NRXN1: variants seen among roughly 807,000 people sequenced by gnomAD.
NRXN1 encodes neurexin 1, also known as neurexin-1.
NRXN1 carries 39 observed loss-of-function variants against 150.9 expected under a neutral mutation model. That is an observed-to-expected ratio of 0.26 (90% CI 0.20 to 0.34). The LOEUF (loss-of-function observed/expected upper bound fraction) is 0.34, where lower values mean the gene tolerates loss of function less well. NRXN1 is among the 10% of genes least tolerant of loss of function. NRXN1 has a pLI of 1.00. For synonymous variants in NRXN1, 924 were observed against 757.0 expected (o/e 1.22, Z -3.62); for missense variants, 1,815 against 1,949.9 (o/e 0.93, Z 1.30).
chr2:49,972,003 A>C (rs906844450), intron 21 of NRXN1, among the ~76,000 whole-genome samples: 8 of 152,202 alleles, frequency 5.3e-5, no homozygotes, highest in African/African-American at 1.9e-4. Flanking sequence ...TCCACTAGAT[A>C]ACTGACAAGT....
intron 21 of NRXN1, among the ~76,000 whole-genome samples, chr2:50,028,167 C>G (rs990044294): frequency 1.3e-5 from 2 of 152,014 alleles, no homozygotes; most frequent in African/African-American, 4.8e-5. Context: ...AAATACTTAC[C>G]AGTTGTTCAA....
chr2:50,019,718 G>T (rs1317301829), intron 21 of NRXN1, among the ~76,000 whole-genome samples: 1 of 148,756 alleles, frequency 6.7e-6, no homozygotes, highest in African/African-American at 2.5e-5. Flanking sequence ...AGGCCTAGGC[G>T]GGCGGATCAC....
At chr2:50,429,605 G>A (rs2084784285) in intron 17 of NRXN1, among the ~76,000 whole-genome samples, 1 of 152,072 alleles carries the variant, frequency 6.6e-6, no homozygotes, top group African/African-American at 2.4e-5. Flanking sequence ...ATAGATCCAA[G>A]AGAAATAGAT....
chr2:49,987,109 C>T lies in NRXN1; in HGVS notation c.4129-43318G>A, dbSNP rs191978124. ...ATTTACCCTGCAGTACTATAGAACA[C>T]TAGGACTTATTCCTCCTTATCTAAC... On this transcript the variant is annotated intron_variant, in intron 21 of 22. Coordinates refer to ENST00000401669, the MANE Select transcript of NRXN1 (RefSeq NM_001330078.2). Among the ~76,000 whole-genome samples, 16 of 152,142 alleles carry T rather than the reference C, an allele frequency of 1.1e-4. No individual in the cohort carries two copies. In the East Asian group the frequency reaches 2.1e-3, roughly 20 times the overall value.
At chr2:50,958,830 T>C (rs958789083) in intron 2 of NRXN1, among the ~76,000 whole-genome samples, 5 of 152,122 alleles carry the variant, frequency 3.3e-5, no homozygotes, top group African/African-American at 9.7e-5. Context: ...TCAGCAGCTG[T>C]GTGAATTTCA....
At chr2:50,764,528 G>A (rs1702172026) in intron 5 of NRXN1, among the ~76,000 whole-genome samples, 1 of 151,818 alleles carries the variant, frequency 6.6e-6, no homozygotes, top group South Asian at 2.1e-4. Context: ...TCTTTTTCAG[G>A]TATTTTTACT....
intron 17 of NRXN1, among the ~76,000 whole-genome samples, chr2:50,377,219 A>C (rs1332418946): frequency 1.3e-5 from 2 of 152,028 alleles, no homozygotes; most frequent in African/African-American, 4.8e-5. Flanking sequence ...CCTCCCACAC[A>C]TTAGCTATTT....
intron 18 of NRXN1, among the ~76,000 whole-genome samples, chr2:50,097,636 C>G (rs959972086): frequency 8.6e-5 from 13 of 151,690 alleles, no homozygotes; most frequent in Non-Finnish European, 1.6e-4. Flanking sequence ...TAATTTAGCC[C>G]AAACACTTTT....
At chr2:51,024,306 C>T (rs986531275) in intron 2 of NRXN1, among the ~76,000 whole-genome samples, 2 of 152,034 alleles carry the variant, frequency 1.3e-5, no homozygotes, top group African/African-American at 2.4e-5. Flanking sequence ...CGCTCAGGGT[C>T]AAAGAACATA....
At chr2:50,136,266 T>C (rs1056641911) in intron 18 of NRXN1, among the ~76,000 whole-genome samples, 2 of 152,142 alleles carry the variant, frequency 1.3e-5, no homozygotes, top group African/African-American at 4.8e-5. Flanking sequence ...AAAATAAAAA[T>C]TCCTGAGAAA....
At chr2:50,554,907 G>T (rs930817002) in intron 8 of NRXN1, among the ~76,000 whole-genome samples, 1 of 152,080 alleles carries the variant, frequency 6.6e-6, no homozygotes, top group Admixed American at 6.6e-5. Context: ...CAAAAGAAGA[G>T]AAAATGAACT....
At chr2:50,593,934 T>C (rs924478241) in intron 8 of NRXN1, among the ~76,000 whole-genome samples, 1 of 152,186 alleles carries the variant, frequency 6.6e-6, no homozygotes, top group Non-Finnish European at 1.5e-5. Flanking sequence ...GTAAAAATTG[T>C]AAAAAAGAAA....
intron 21 of NRXN1, among the ~76,000 whole-genome samples, chr2:49,994,543 G>C (rs760120028): frequency 1.3e-5 from 2 of 152,130 alleles, no homozygotes; most frequent in East Asian, 3.9e-4. Flanking sequence ...AACTACACCG[G>C]TAAGAGTTGT....
chr2:50,346,114 G>T lies in NRXN1; in HGVS notation c.3365-109144C>A, dbSNP rs1290037414. Among the ~76,000 whole-genome samples, 1 of 152,216 alleles carries T rather than the reference G, an allele frequency of 6.6e-6. No homozygotes were observed. The highest frequency in any genetic ancestry group is 6.5e-5 in the Admixed American group (1 of 15,292). Reference sequence around the variant, plus strand: ...TTGCCCTCCTAGCTTTTCTAATTAAGGGAAGGCGTGGGGGCAAAAGTAATT... The same window carrying T: ...TTGCCCTCCTAGCTTTTCTAATTAATGGAAGGCGTGGGGGCAAAAGTAATT... On this transcript the variant is annotated intron_variant, in intron 17 of 22. Coordinates refer to ENST00000401669, the MANE Select transcript of NRXN1 (RefSeq NM_001330078.2). This position sits in a 1 kb window ranked among gnomAD's most constrained non-coding sequence, Gnocchi z 5.0.
intron 21 of NRXN1, among the ~76,000 whole-genome samples, chr2:50,049,767 A>G (rs867288382): frequency 1.6e-4 from 25 of 152,070 alleles, no homozygotes; most frequent in African/African-American, 5.3e-4. Flanking sequence ...TGCAAGTTTA[A>G]TTAGAAGAGG....
At chr2:50,742,753 A>G (rs553823856) in intron 5 of NRXN1, among the ~76,000 whole-genome samples, 29 of 152,306 alleles carry the variant, frequency 1.9e-4, no homozygotes, top group Admixed American at 9.8e-4. Flanking sequence ...TTGAGTCCTC[A>G]ATAAATGGTA....
intron 5 of NRXN1, among the ~76,000 whole-genome samples, chr2:50,675,181 C>A (rs763926847): frequency 9.9e-5 from 15 of 152,004 alleles, no homozygotes; most frequent in Non-Finnish European, 2.2e-4. Context: ...GAAGTGTGAG[C>A]CAAATAAATC....
At chr2:50,599,667 T>C (rs1362090550) in intron 8 of NRXN1, among the ~76,000 whole-genome samples, 1 of 152,148 alleles carries the variant, frequency 6.6e-6, no homozygotes, top group African/African-American at 2.4e-5. Flanking sequence ...AAGTAACAAT[T>C]TATTCGTCAG....
chr2:50,950,696 T>C (rs1301563824), intron 2 of NRXN1, among the ~76,000 whole-genome samples: 2 of 152,182 alleles, frequency 1.3e-5, no homozygotes, highest in African/African-American at 2.4e-5. Context: ...TTTTGTAACA[T>C]TATTTCGGTA....
Sources: gnomAD v4.1 joint callset for allele counts (sites outside exome capture counted in the v4.1 genomes callset) on GRCh38, gnomAD v4.1.1 for gene constraint, Gnocchi (gnomAD v3.1) non-coding constraint, MANE v1.5 for transcripts, NCBI Gene and HGNC (gene_info 2026-07-23, HGNC 2026-07-21) for gene names.